Variants in DSCAM observed in about 807,000 individuals in gnomAD.
DSCAM encodes the protein cell adhesion molecule DSCAM.
Under a neutral mutation model 217.7 loss-of-function variants are expected in DSCAM, and 47 were observed. The ratio of observed to expected loss-of-function variants is 0.22; its 90% CI spans 0.17 to 0.28. DSCAM has a LOEUF of 0.28. Ranked by LOEUF, DSCAM falls within the 10% of genes least tolerant of loss-of-function variation. The pLI is 1.00. For synonymous variants in DSCAM, 1,056 were observed against 1,015.3 expected (o/e 1.04, Z -0.76); for missense variants, 2,080 against 2,618.3 (o/e 0.79, Z 4.49).
At chr21:40,651,346 A>G (rs964722304) in intron 3 of DSCAM, among the ~76,000 whole-genome samples, 1 of 152,210 alleles carries the variant, frequency 6.6e-6, no homozygotes, top group Admixed American at 6.5e-5. Context: ...AAGTGTATTC[A>G]ATATTTATAT....
intron 3 of DSCAM, among the ~76,000 whole-genome samples, chr21:40,548,390 A>G (rs2076601184): frequency 6.6e-6 from 1 of 152,114 alleles, no homozygotes; most frequent in Non-Finnish European, 1.5e-5. Flanking sequence ...AGCTCATCTT[A>G]AAGCGCCCAC....
chr21:40,240,916 G>A (rs2073144332), intron 11 of DSCAM, among the ~76,000 whole-genome samples: 1 of 152,156 alleles, frequency 6.6e-6, no homozygotes, highest in Non-Finnish European at 1.5e-5. Context: ...TAATGGTGCT[G>A]GGAGAACTGG....
chr21:40,563,607 T>C (rs2076739170), intron 3 of DSCAM, among the ~76,000 whole-genome samples: 1 of 147,326 alleles, frequency 6.8e-6, no homozygotes, highest in Non-Finnish European at 1.5e-5. Flanking sequence ...GTTATATATA[T>C]GTTTACATGT....
At chr21:40,698,879 A>G (rs59501758) in intron 2 of DSCAM, among the ~76,000 whole-genome samples, 5 of 130,582 alleles carry the variant, frequency 3.8e-5, no homozygotes, top group Admixed American at 7.4e-5. Context: ...TAAAAAAAAA[A>G]AAAAAAAAAA....
rs1568862971 is a variant in DSCAM, at chr21:40,508,761, A to T, written c.509-139516T>A. Among the ~76,000 whole-genome samples the T allele has an allele frequency of 4.5e-3, 23 of 5,158 alleles. 1 individual carries two copies. The highest frequency in any genetic ancestry group is 7.4e-3 in the South Asian group (1 of 136). The allele number at this position is 5,158 out of a possible 152,430, so 3.4% of individuals were successfully genotyped here. A position where few individuals can be genotyped will look rare whatever the true frequency, so the allele number is the denominator to read the frequency against. On this transcript the variant is annotated intron_variant, in intron 3 of 32. Coordinates refer to ENST00000400454, the MANE Select transcript of DSCAM (RefSeq NM_001389.5). ...TATATATATATATATATATATATAT[A>T]TATATATATATATATATATATATTT...
chr21:40,153,543 G>C (rs1263659456), intron 16 of DSCAM, among the ~76,000 whole-genome samples: 1 of 152,190 alleles, frequency 6.6e-6, no homozygotes, highest in Non-Finnish European at 1.5e-5. Context: ...TGATCACAGG[G>C]GTGGGGGACG....
intron 3 of DSCAM, among the ~76,000 whole-genome samples, chr21:40,492,209 G>T (rs1035874890): frequency 1.3e-5 from 2 of 152,052 alleles, no homozygotes; most frequent in East Asian, 3.8e-4. Context: ...GTGTTATTAG[G>T]TATAGATTAT....
chr21:40,288,354 C>T (rs565348008), intron 10 of DSCAM, among the ~76,000 whole-genome samples: 16 of 152,238 alleles, frequency 1.1e-4, no homozygotes, highest in South Asian at 4.1e-4. Flanking sequence ...GCATTCTTCA[C>T]GTTAAGCTTT....
intron 1 of DSCAM, among the ~76,000 whole-genome samples, chr21:40,752,675 A>C (rs1056601403): frequency 1.3e-5 from 2 of 152,148 alleles, no homozygotes; most frequent in Non-Finnish European, 2.9e-5. Context: ...CATCGGAGAA[A>C]GACCCTGTCC....
At chr21:40,536,553 C>T (rs572503209) in intron 3 of DSCAM, among the ~76,000 whole-genome samples, 16 of 152,084 alleles carry the variant, frequency 1.1e-4, no homozygotes, top group Non-Finnish European at 2.4e-4. Flanking sequence ...AGGCGCCCAC[C>T]ACCACGCCTG....
intron 1 of DSCAM, among the ~76,000 whole-genome samples, chr21:40,724,371 TAC>T: frequency 6.6e-6 from 1 of 151,830 alleles, no homozygotes; most frequent in South Asian, 2.1e-4. Context: ...GAAGAAAGAG[TAC>T]AGAGTTATGT....
intron 1 of DSCAM, among the ~76,000 whole-genome samples, chr21:40,762,706 A>G (rs141010977): frequency 0.27 from 40,455 of 152,164 alleles, 6,492 homozygotes; most frequent in Non-Finnish European, 0.35. Flanking sequence ...CGATGCAAAA[A>G]TCCTCAGTAA....
chr21:40,544,829 CATTTGATA>C (rs1396962495), intron 3 of DSCAM, among the ~76,000 whole-genome samples: 1 of 151,520 alleles, frequency 6.6e-6, no homozygotes, highest in Non-Finnish European at 1.5e-5. Context: ...TTTCAATTTG[CATTTGATA>C]GTCAAATTGA....
intron 3 of DSCAM, among the ~76,000 whole-genome samples, chr21:40,515,266 T>C (rs1431616650): frequency 1.3e-5 from 2 of 151,164 alleles, no homozygotes; most frequent in African/African-American, 4.9e-5. Context: ...CATTAACTTA[T>C]TGTTTTGAAA....
Position 40,276,179 on chromosome 21 carries a change from C to T in DSCAM, c.2274G>A (p.Glu758=). The T allele has an allele frequency of 6.2e-7, 1 of 1,613,448 alleles. No individual in the cohort carries two copies. Among genetic ancestry groups the T allele is most frequent in the Non-Finnish European group, 8.5e-7 (1 of 1,179,660 alleles). ...NGSLLIKHVV[E]EDSGYYLCKV... ...TGCAGAGGTAGTAGCCACTGTCTTC[C>T]TCCACGACATGCTTGATCAGCAACG... The change falls in exon 11 of 33, where the codon GAG becomes GAA. Residue 758 remains glutamate (E), a synonymous_variant. Transcript: ENST00000400454.
At chr21:40,464,327 A>G (rs142856830) in intron 3 of DSCAM, among the ~76,000 whole-genome samples, 5 of 152,336 alleles carry the variant, frequency 3.3e-5, no homozygotes, top group African/African-American at 4.8e-5. Context: ...AAGAAACAAT[A>G]AACAAGATAA....
At chr21:40,260,058 C>A (rs932777029) in intron 11 of DSCAM, among the ~76,000 whole-genome samples, 9 of 152,152 alleles carry the variant, frequency 5.9e-5, no homozygotes, top group Admixed American at 6.5e-5. Flanking sequence ...CAATGCTTAT[C>A]CTGTGTAGTC....
chr21:40,751,951 G>C (rs889426454), intron 1 of DSCAM, among the ~76,000 whole-genome samples: 1 of 152,124 alleles, frequency 6.6e-6, no homozygotes, highest in African/African-American at 2.4e-5. Flanking sequence ...TGATGCCTCT[G>C]TTCTGCTTAT....
chr21:40,247,171 G>A (rs2073237252), intron 11 of DSCAM, among the ~76,000 whole-genome samples: 1 of 152,114 alleles, frequency 6.6e-6, no homozygotes, highest in South Asian at 2.1e-4. Flanking sequence ...GGAATTCTGG[G>A]AGATACAATT....
Sources: gnomAD v4.1 joint callset for allele counts (sites outside exome capture counted in the v4.1 genomes callset) on GRCh38, gnomAD v4.1.1 for gene constraint, MANE v1.5 for transcripts, NCBI Gene and HGNC (gene_info 2026-07-23, HGNC 2026-07-21) for gene names.